ITGA4: variants seen among roughly 807,000 people sequenced by gnomAD.
ITGA4 encodes the protein integrin alpha-4.
Under a neutral mutation model 133.6 loss-of-function variants are expected in ITGA4, and 63 were observed. The ratio of observed to expected loss-of-function variants is 0.47; its 90% CI spans 0.38 to 0.58. ITGA4 has a LOEUF of 0.58. ITGA4 is among the 20% of genes least tolerant of loss of function. The pLI is 0.00. For synonymous variants in ITGA4, 483 were observed against 438.0 expected, an observed-to-expected ratio of 1.10 and a Z score of -1.28; for missense variants, 1,076 against 1,252.7, an observed-to-expected ratio of 0.86 and a Z score of 2.13.
chr2:181,492,959 G>C (rs1339241021), intron 10 of ITGA4: 1 of 168,696 alleles, frequency 5.9e-6, no homozygotes, highest in Non-Finnish European at 1.3e-5. Flanking sequence ...TTTTTATTAT[G>C]ATCCCATTAT....
At chr2:181,466,717 G>T (rs952395988) in intron 2 of ITGA4, among the ~76,000 whole-genome samples, 5 of 152,154 alleles carry the variant, frequency 3.3e-5, no homozygotes, top group African/African-American at 1.2e-4. Context: ...ATATGAATTA[G>T]TATTAATGGA....
intron 4 of ITGA4, among the ~76,000 whole-genome samples, chr2:181,478,512 T>G (rs1685732750): frequency 6.6e-6 from 1 of 152,002 alleles, no homozygotes; most frequent in Admixed American, 6.6e-5. Context: ...TGACAAAAAT[T>G]TTTTGAGTAT....
At position 181,464,756 on chromosome 2, in the gene ITGA4, A is replaced by G. The variant is rs10206693; in HGVS notation, c.319+6439A>G. ...TCCGCCTTGGGTTCCAAAGACTCAT[A>G]TCAGGTAGTTCAGACAGTAACACCT... On this transcript the variant is annotated intron_variant, in intron 2 of 27. Transcript: ENST00000397033. 7.9e-3 allele frequency among the ~76,000 whole-genome samples: 1,195 copies of G among 152,188 alleles called. 14 individuals carry two copies. Among genetic ancestry groups the G allele is most frequent in the African/African-American group, 0.026 (1,069 of 41,546 alleles).
At chr2:181,475,088 C>T in intron 3 of ITGA4, 22 bp downstream of exon 3, 1 of 1,612,982 alleles carries the variant, frequency 6.2e-7, no homozygotes, top group Non-Finnish European at 8.5e-7. Context: ...AACTGGTCCA[C>T]AGATCCATCG....
chr2:181,524,123 T>C (rs776048751), intron 19 of ITGA4, 48 bp from the exon 20 acceptor site: 1 of 1,231,386 alleles, frequency 8.1e-7, no homozygotes, highest in African/African-American at 1.6e-5. Flanking sequence ...TTATAAAAAA[T>C]GTACTTAAGA....
chr2:181,509,450 T>C (rs1322503270), intron 15 of ITGA4, among the ~76,000 whole-genome samples: 2 of 152,084 alleles, frequency 1.3e-5, no homozygotes, highest in Non-Finnish European at 2.9e-5. Flanking sequence ...TTCATTTTTA[T>C]TTTTTTTGTG....
chr2:181,464,567 G>A (rs983748974), intron 2 of ITGA4, among the ~76,000 whole-genome samples: 6 of 152,122 alleles, frequency 3.9e-5, no homozygotes, highest in South Asian at 2.1e-4. Context: ...ATGGGAGAAG[G>A]CTTCCTGGAG....
At chr2:181,506,362 A>G (rs1397497997) in intron 15 of ITGA4, among the ~76,000 whole-genome samples, 1 of 152,092 alleles carries the variant, frequency 6.6e-6, no homozygotes, top group Non-Finnish European at 1.5e-5. Flanking sequence ...AATCATCACA[A>G]CAGTAAGGTA....
rs560048255 is a variant in ITGA4, at chr2:181,495,082, T to G, written c.1339+270T>G. 6.6e-6 allele frequency among the ~76,000 whole-genome samples: 1 copy of G among 152,338 alleles called. No individual in the cohort carries two copies. The highest frequency in any genetic ancestry group is 1.5e-5 in the Non-Finnish European group (1 of 68,022). On this transcript the variant is annotated intron_variant, in intron 12 of 27. Transcript: ENST00000397033. The surrounding 1 kb of genome is among the most constrained non-coding windows in gnomAD (Gnocchi z 4.3). ...TATATGAGGAAAAGAAAGAAAATTT[T>G]TATTTAGAAAAATTTGAGTGAATGT...
rs200809450 is a variant in ITGA4, at chr2:181,529,523, A to G, written c.2431-18A>G. ...TAGAAAACATTTAATTTGTTAAAAA[A>G]TTTTTCCTTCTTATCAGGTTATCAA... On this transcript the variant is annotated intron_variant, in intron 22 of 27. Coordinates refer to ENST00000397033, the MANE Select transcript of ITGA4 (RefSeq NM_000885.6). 11 of 1,301,108 alleles carry G rather than the reference A, an allele frequency of 8.5e-6. No individual in the cohort carries two copies. The African/African-American group carries it at 1.2e-4, about 14-fold the overall frequency. The allele number at this position is 1,301,108 out of a possible 1,614,324, so 80.6% of individuals were successfully genotyped here.
intron 5 of ITGA4, chr2:181,479,442 C>T (rs2105731134): frequency 1.3e-5 from 2 of 151,886 alleles, no homozygotes; most frequent in East Asian, 1.9e-4. Context: ...AGTGTCTGCA[C>T]ATATTAACAG....
At chr2:181,492,387 C>A (rs155116) in intron 10 of ITGA4, among the ~76,000 whole-genome samples, 148,928 of 152,360 alleles carry the variant, frequency 0.98, 72,887 homozygotes, top group Middle Eastern at 1. Flanking sequence ...AATAGTAGCC[C>A]AAAATTACCA....
Position 181,495,365 on chromosome 2 carries a change from C to T in ITGA4, c.1340-6C>T, listed in dbSNP as rs201606047. On this transcript the variant is annotated splice_polypyrimidine_tract_variant and splice_region_variant and intron_variant, in intron 12 of 27. Transcript: ENST00000397033. This position sits in a 1 kb window ranked among gnomAD's most constrained non-coding sequence, Gnocchi z 4.3. ...TCATTAATCTGTGTTGTTTTTTATC[C>T]TCCAGATGTAGCAGTTGGTGCTTTT... 3.4e-5 allele frequency: 54 copies of T among 1,606,304 alleles called. No individual in the cohort carries two copies. In the African/African-American group the frequency reaches 6.8e-4, roughly 20 times the overall value.
intron 18 of ITGA4, among the ~76,000 whole-genome samples, chr2:181,522,846 G>A (rs904812885): frequency 2.0e-5 from 3 of 152,148 alleles, no homozygotes; most frequent in Middle Eastern, 3.4e-3. Flanking sequence ...TAGTGTTTGC[G>A]CTACTTGCAA....
Position 181,475,018 on chromosome 2 carries a change from G to C in ITGA4, c.378G>C (p.Trp126Cys), listed in dbSNP as rs1017590073. Residue 126 changes from tryptophan (W) to cysteine (C), a missense_variant, in exon 3 of 28, where the codon TGG becomes TGC. This residue lies in a region of ITGA4 where 436 missense variants were observed against 590.7 expected (regional missense o/e 0.74). Transcript: ENST00000397033. ...KTCLEERDNQ[W>C]LGVTLSRQPG... ...GTTTGGAAGAGAGAGACAATCAGTG[G>C]TTGGGGGTCACACTTTCCAGACAGC... 8.1e-6 allele frequency: 13 copies of C among 1,613,944 alleles called. No individual in the cohort carries two copies. The African/African-American group carries it at 9.3e-5, about 12-fold the overall frequency.
intron 21 of ITGA4, among the ~76,000 whole-genome samples, chr2:181,525,896 C>A (rs1686823075): frequency 6.6e-6 from 1 of 152,176 alleles, no homozygotes; most frequent in African/African-American, 2.4e-5. Flanking sequence ...TAAAAGGGGG[C>A]TTACGGAAAC....
intron 21 of ITGA4, among the ~76,000 whole-genome samples, chr2:181,525,957 A>T (rs938136994): frequency 1.8e-4 from 28 of 152,236 alleles, no homozygotes; most frequent in African/African-American, 6.3e-4. Flanking sequence ...TTAAAACTAC[A>T]TTTTTATGCA....
In ITGA4 at chr2:181,494,828, A is replaced by C. The variant is rs748527272; in HGVS notation, c.1339+16A>C. On this transcript the variant is annotated intron_variant, in intron 12 of 27. Transcript: ENST00000397033. ...GGCTATGTAGGTGAGTAATTAGTTT[A>C]TCATAATTTATAAATTGGAATAAGC... 5 of 1,265,292 alleles carry C rather than the reference A, an allele frequency of 4.0e-6. No homozygotes were observed. In the East Asian group the frequency reaches 1.2e-4, roughly 29 times the overall value. The allele number at this position is 1,265,292 out of a possible 1,614,324, so 78.4% of individuals were successfully genotyped here.
intron 15 of ITGA4, among the ~76,000 whole-genome samples, chr2:181,499,437 G>C (rs1396970186): frequency 6.6e-6 from 1 of 152,080 alleles, no homozygotes; most frequent in Non-Finnish European, 1.5e-5. Context: ...ATATGAAGCT[G>C]TGCCAGGTCT....
Sources: allele counts gnomAD v4.1 joint callset (sites outside exome capture counted in the v4.1 genomes callset), GRCh38; gene constraint gnomAD v4.1.1; regional missense constraint gnomAD v4.1.1; non-coding constraint Gnocchi (gnomAD v3.1); transcripts MANE v1.5; gene names NCBI Gene and HGNC (gene_info 2026-07-23, HGNC 2026-07-21).